Variants in NR2E1 observed in about 807,000 individuals in gnomAD.
NR2E1 encodes the protein nuclear receptor TLX.
NR2E1 carries 5 observed loss-of-function variants against 43.6 expected under a neutral mutation model. The ratio of observed to expected loss-of-function variants is 0.11; its 90% CI spans 0.06 to 0.24. The LOEUF (loss-of-function observed/expected upper bound fraction) is 0.24. Among genes scored for constraint, NR2E1 ranks in the 10% least tolerant of loss-of-function variants. The pLI is 1.00. For missense variants in NR2E1, 287 were observed against 496.7 expected (o/e 0.58, Z 4.01); for synonymous variants, 191 against 195.5 (o/e 0.98, Z 0.19).
At chr6:108,183,757 T>G (rs971926073) in intron 8 of NR2E1, among the ~76,000 whole-genome samples, 1 of 152,256 alleles carries the variant, frequency 6.6e-6, no homozygotes, top group Non-Finnish European at 1.5e-5. Flanking sequence ...TGTTGACAGA[T>G]AGTGCACCTG....
chr6:108,186,225 G>A (rs1774073348), intron 8 of NR2E1, among the ~76,000 whole-genome samples: 1 of 152,114 alleles, frequency 6.6e-6, no homozygotes, highest in South Asian at 2.1e-4. Context: ...TCTGCAGGTG[G>A]TCATGAAGCT....
Position 108,166,617 on chromosome 6 carries a change from G to T in NR2E1, c.-149G>T. On this transcript the variant is annotated 5_prime_UTR_variant, in exon 1 of 9. Transcript: ENST00000368986. The surrounding 1 kb of genome is among the most constrained non-coding windows in gnomAD (Gnocchi z 7.2). ...GAATTCTGAGCGCCCAGGGAGCAGC[G>T]CAGCGCGCGACTGACACCCACCTGT... 1 of 585,954 alleles carries T rather than the reference G, an allele frequency of 1.7e-6. No individual in the cohort carries two copies. Among genetic ancestry groups the T allele is most frequent in the South Asian group, 2.4e-5 (1 of 42,144 alleles). The allele number at this position is 585,954 out of a possible 1,614,324, so 36.3% of individuals were successfully genotyped here.
intron 3 of NR2E1, among the ~76,000 whole-genome samples, chr6:108,175,386 A>T (rs1334403164): frequency 3.3e-5 from 5 of 152,238 alleles, no homozygotes; most frequent in Non-Finnish European, 7.3e-5. Context: ...GAAAACGCGG[A>T]ATTTCCAGCC....
At chr6:108,172,882 T>C (rs1773835612) in intron 2 of NR2E1, among the ~76,000 whole-genome samples, 1 of 152,248 alleles carries the variant, frequency 6.6e-6, no homozygotes, top group Non-Finnish European at 1.5e-5. Context: ...CTTCACCATA[T>C]GGACACATCA....
chr6:108,166,479 T>C lies in NR2E1; in HGVS notation c.-287T>C, dbSNP rs1773709913. The stretch of plus-strand genomic sequence containing the variant: ...CCTTCTTCCTCAGTCTTCCTGTCCA[T>C]CTCTCCATCTGTCTGTCCATGTGTG... On this transcript the variant is annotated 5_prime_UTR_variant, in exon 1 of 9. Transcript: ENST00000368986. This position sits in a 1 kb window ranked among gnomAD's most constrained non-coding sequence, Gnocchi z 7.2. The C allele has an allele frequency of 2.5e-6, 1 of 404,302 alleles. No homozygotes were observed. The highest frequency in any genetic ancestry group is 4.3e-6 in the Non-Finnish European group (1 of 231,106). The allele number at this position is 404,302 out of a possible 1,614,324, so 25.0% of individuals were successfully genotyped here.
chr6:108,184,947 T>C (rs1481136609), intron 8 of NR2E1, among the ~76,000 whole-genome samples: 1 of 152,238 alleles, frequency 6.6e-6, no homozygotes, highest in Non-Finnish European at 1.5e-5. Flanking sequence ...TTCATGGAAT[T>C]CTTATTTCAT....
At chr6:108,174,631 G>C (rs1300124241) in intron 2 of NR2E1, among the ~76,000 whole-genome samples, 1 of 152,110 alleles carries the variant, frequency 6.6e-6, no homozygotes, top group Non-Finnish European at 1.5e-5. Flanking sequence ...TGGCCCTCTT[G>C]AAGTAGCCTG....
Position 108,169,065 on chromosome 6 carries a change from G to A in NR2E1, c.25+2275G>A, listed in dbSNP as rs1355753981. The A allele has an allele frequency of 6.6e-6, 1 of 152,198 alleles. No homozygotes were observed. The highest frequency in any genetic ancestry group is 1.9e-4 in the East Asian group (1 of 5,196). 9.4% of individuals were successfully genotyped at this position (152,198 alleles called of 1,614,324 possible). ...GCTCGCCTCACGTCGGAGCTCGCTC[G>A]GCTTGCTAAATGAGAGGAGCTTTGC... On this transcript the variant is annotated intron_variant, in intron 1 of 8. Transcript: ENST00000368986. This position sits in a 1 kb window ranked among gnomAD's most constrained non-coding sequence, Gnocchi z 6.1.
chr6:108,187,029 C>CT (rs199500648), intron 8 of NR2E1, among the ~76,000 whole-genome samples: 35 of 151,224 alleles, frequency 2.3e-4, no homozygotes, highest in Admixed American at 1.5e-3. Flanking sequence ...TCTTAAATTT[C>CT]TTTTTTTTTC....
At chr6:108,176,981 C>T (rs967639235) in intron 4 of NR2E1, among the ~76,000 whole-genome samples, 3 of 152,134 alleles carry the variant, frequency 2.0e-5, no homozygotes, top group Admixed American at 2.0e-4. Context: ...GGATCTTATC[C>T]CCCCAGAAAT....
chr6:108,187,155 C>A (rs1774089849), intron 8 of NR2E1, 146 bp from the exon 9 acceptor site: 1 of 945,644 alleles, frequency 1.1e-6, no homozygotes. Context: ...GACAACAGTG[C>A]CTGTCCAGAA....
chr6:108,172,792 CAG>C (rs1773833677), intron 2 of NR2E1, among the ~76,000 whole-genome samples: 2 of 152,324 alleles, frequency 1.3e-5, no homozygotes, highest in African/African-American at 2.4e-5. Context: ...ACCACAAAAA[CAG>C]AAGATATTTG....
intron 1 of NR2E1, among the ~76,000 whole-genome samples, chr6:108,167,004 C>G (rs1449111676): frequency 6.6e-6 from 1 of 152,148 alleles, no homozygotes; most frequent in African/African-American, 2.4e-5. Context: ...TTGCTTGATC[C>G]CCCCTGTCTG....
chr6:108,167,447 T>C (rs1200044968), intron 1 of NR2E1, among the ~76,000 whole-genome samples: 1 of 152,124 alleles, frequency 6.6e-6, no homozygotes, highest in East Asian at 1.9e-4. Flanking sequence ...TGCGCTTCTC[T>C]CCTTCCTCGA....
rs756248914 is a variant in NR2E1, at chr6:108,180,834, A to T, written c.767A>T (p.Gln256Leu). Residue 256 changes from glutamine (Q) to leucine (L), a missense_variant, in exon 7 of 9, where the codon CAG becomes CTG. Physicochemically the swap from Gln to Leu is moderately radical, Grantham distance 113 (BLOSUM62 -2). Coordinates refer to ENST00000368986, the MANE Select transcript of NR2E1 (RefSeq NM_003269.5). The surrounding 1 kb of genome is among the most constrained non-coding windows in gnomAD (Gnocchi z 5.4). ...SGMNGDNTDS[Q>L]KLNKIISEIQ... Reference sequence around the variant, plus strand: ...ATGAACGGTGACAACACAGATTCCCAGAAGCTGAACAAGATCATATCTGAA... The same window carrying T: ...ATGAACGGTGACAACACAGATTCCCTGAAGCTGAACAAGATCATATCTGAA... 1 of 1,614,198 alleles carries T rather than the reference A, an allele frequency of 6.2e-7. No individual in the cohort carries two copies. Among genetic ancestry groups the T allele is most frequent in the East Asian group, 2.2e-5 (1 of 44,884 alleles).
chr6:108,175,187 G>A (rs1227434543), intron 3 of NR2E1, among the ~76,000 whole-genome samples: 1 of 152,180 alleles, frequency 6.6e-6, no homozygotes, highest in South Asian at 2.1e-4. Context: ...AGCGCTTGGG[G>A]GGACCCCACT....
In NR2E1 at chr6:108,188,502, A is replaced by AACACACACACAC. The variant is rs373693807; in HGVS notation, c.*1078_*1089dup. ...CTGGTTTCTAGTAAAGCCTTGAATGAACACACACACACACACACACACACA... is the reference window on the plus strand; with the variant it reads ...CTGGTTTCTAGTAAAGCCTTGAATGAACACACACACACACACACACACACACACACACACACA... On this transcript the variant is annotated 3_prime_UTR_variant, in exon 9 of 9. Transcript: ENST00000368986. The AACACACACACAC allele has an allele frequency of 1.5e-3, 195 of 133,050 alleles. 1 individual carries two copies. Among genetic ancestry groups the AACACACACACAC allele is most frequent in the African/African-American group, 4.0e-3 (140 of 35,402 alleles). The allele number at this position is 133,050 out of a possible 1,614,324, so 8.2% of individuals were successfully genotyped here. A position where few individuals can be genotyped will look rare whatever the true frequency, so the allele number is the denominator to read the frequency against.
rs1226733694 is a variant in NR2E1 at position 108,171,476 on chromosome 6, C to T, written c.44C>T (p.Pro15Leu). 1 of 1,613,896 alleles carries T rather than the reference C, an allele frequency of 6.2e-7. No homozygotes were observed. Among genetic ancestry groups the T allele is most frequent in the Non-Finnish European group, 8.5e-7 (1 of 1,180,022 alleles). ...ATTTCAGGCCGCATTTTAGATATCC[C>T]CTGCAAAGTGTGTGGCGACCGCAGC... ...AGSTSRILDI[P>L]CKVCGDRSSG... The change falls in exon 2 of 9, where the codon CCC (proline) becomes CTC (leucine). Residue 15 changes from proline to leucine, a missense_variant. Coordinates refer to ENST00000368986, the MANE Select transcript of NR2E1 (RefSeq NM_003269.5).
At position 108,169,789 on chromosome 6, in the gene NR2E1, G is replaced by T. The variant is rs1054488320; in HGVS notation, c.26-1669G>T. 6.6e-6 allele frequency among the ~76,000 whole-genome samples: 1 copy of T among 151,990 alleles called. No homozygotes were observed. The highest frequency in any genetic ancestry group is 2.4e-5 in the African/African-American group (1 of 41,400). On this transcript the variant is annotated intron_variant, in intron 1 of 8. Transcript: ENST00000368986. The surrounding 1 kb of genome is among the most constrained non-coding windows in gnomAD (Gnocchi z 6.1). ...TCCCCTCCCGCCCTGTGGGAGGGGG[G>T]CGCCGAGCCGGTGGCCGCCGCGCCG...
Sources: allele counts gnomAD v4.1 joint callset (sites outside exome capture counted in the v4.1 genomes callset), GRCh38; gene constraint gnomAD v4.1.1; non-coding constraint Gnocchi (gnomAD v3.1); transcripts MANE v1.5; gene names NCBI Gene and HGNC (gene_info 2026-07-23, HGNC 2026-07-21).